The following CARD10 variants were observed in gnomAD, a reference collection of about 807,000 sequenced individuals.
CARD10 encodes caspase recruitment domain-containing protein 10.
Under a neutral mutation model 114.6 loss-of-function variants are expected in CARD10, and 49 were observed. The ratio of observed to expected loss-of-function variants is 0.43; its 90% CI spans 0.34 to 0.54. CARD10 has a LOEUF of 0.54. Ranked by LOEUF, CARD10 falls within the 20% of genes least tolerant of loss-of-function variation. The pLI is 0.03. For missense variants in CARD10, 1,206 were observed against 1,397.2 expected, an observed-to-expected ratio of 0.86 and a Z score of 2.18; for synonymous variants, 602 against 593.2, an observed-to-expected ratio of 1.01 and a Z score of -0.21.
At chr22:37,508,056 T>G (rs1009382049) in intron 5 of CARD10, 102 bp from the exon 6 acceptor site, 2 of 1,413,108 alleles carry the variant, frequency 1.4e-6, no homozygotes, top group Non-Finnish European at 2.0e-6. Flanking sequence ...TCACCAACAG[T>G]CTGAGACCCA....
rs376972364 is a variant in CARD10, at chr22:37,506,393, G to A, written c.1192-10C>T. On this transcript the variant is annotated splice_polypyrimidine_tract_variant and intron_variant, in intron 6 of 19. Transcript: ENST00000251973. ...CACGGCTCTGGATGGCCTAGGGTTG[G>A]GGGAGGGGAGGCAGCAGCTGAAGGA... is the stretch of plus-strand genomic sequence containing the variant. The A allele has an allele frequency of 2.0e-6, 3 of 1,535,588 alleles. No individual in the cohort carries two copies. Among genetic ancestry groups the A allele is most frequent in the African/African-American group, 2.8e-5 (2 of 72,320 alleles).
In CARD10 at chr22:37,491,359, C is replaced by A; in HGVS notation, c.2899G>T (p.Glu967Ter). The part of the protein sequence containing the change: ...LLGRPGWRDS[E>*]LLRQCRGSEQ... ...GAGCCACGGCACTGCCGCAGCAGCT[C>A]TGAGTCCCGCCAGCCCGGCCGGCCC... Residue 967 changes from glutamate (E) to a stop codon, truncating the protein, a stop_gained, in exon 20 of 20, where the codon GAG becomes TAG. Transcript: ENST00000251973. LOFTEE classifies it high-confidence loss of function. 6.6e-7 allele frequency: 1 copy of A among 1,523,214 alleles called. No individual in the cohort carries two copies. Among genetic ancestry groups the A allele is most frequent in the East Asian group, 2.4e-5 (1 of 41,510 alleles). The allele number at this position is 1,523,214 out of a possible 1,614,324, so 94.4% of individuals were successfully genotyped here.
Position 37,494,211 on chromosome 22 carries a change from G to A in CARD10, c.2374-23C>T, listed in dbSNP as rs559260429. 35 of 1,475,740 alleles carry A rather than the reference G, an allele frequency of 2.4e-5. 1 individual carries two copies. In the Admixed American group the frequency reaches 6.1e-4, roughly 26 times the overall value. The allele number at this position is 1,475,740 out of a possible 1,614,324, so 91.4% of individuals were successfully genotyped here. ...CAGCTGGGAGGGTGCAGGGACAGAGGAGCATCTGAGAGCTCAGCCCCGCCC... is the reference window on the plus strand; with the variant it reads ...CAGCTGGGAGGGTGCAGGGACAGAGAAGCATCTGAGAGCTCAGCCCCGCCC... On this transcript the variant is annotated intron_variant, in intron 15 of 19. Coordinates refer to ENST00000251973, the MANE Select transcript of CARD10 (RefSeq NM_014550.4).
At position 37,516,216 on chromosome 22, in the gene CARD10, C is replaced by G; in HGVS notation, c.456G>C (p.Gln152His). Residue 152 changes from glutamine to histidine, a missense_variant, in exon 3 of 20, where the codon CAG (glutamine) becomes CAC (histidine). This residue lies in a region of CARD10 where 1,068 missense variants were observed against 1,179.1 expected (regional missense o/e 0.91). Coordinates refer to ENST00000251973, the MANE Select transcript of CARD10 (RefSeq NM_014550.4). ...RLREARKSQL[Q>H]REQQLQARGR... is the part of the protein sequence containing the mutation. ...CCCGGGCCTGCAGTTGCTGCTCCCG[C>G]TGCAGCTGGCTCTTGCGAGCTTCCC... 1 of 1,601,944 alleles carries G rather than the reference C, an allele frequency of 6.2e-7. No homozygotes were observed. The highest frequency in any genetic ancestry group is 8.5e-7 in the Non-Finnish European group (1 of 1,175,458).
At chr22:37,512,216 C>G (rs1323239895) in intron 3 of CARD10, 2 of 152,236 alleles carry the variant, frequency 1.3e-5, no homozygotes, top group East Asian at 3.9e-4. Context: ...ACGTGCATGG[C>G]CAGTTTGCTG....
chr22:37,504,460 C>T (rs1292702351), intron 8 of CARD10, among the ~76,000 whole-genome samples, 159 bp from the exon 9 acceptor site: 1 of 152,222 alleles, frequency 6.6e-6, no homozygotes, highest in Non-Finnish European at 1.5e-5. Context: ...CCCCACGCCT[C>T]CTGGCACCTA....
At chr22:37,507,784 AAGCAGC>A (rs1428210387) in intron 6 of CARD10, 39 bp downstream of exon 6, 1 of 1,611,994 alleles carries the variant, frequency 6.2e-7, no homozygotes, top group East Asian at 2.2e-5. Context: ...CCCATATGGG[AAGCAGC>A]AACTGGCCCA....
Position 37,497,067 on chromosome 22 carries a change from C to T in CARD10, c.1899G>A (p.Val633=), listed in dbSNP as rs1923031987. 1 of 1,614,012 alleles carries T rather than the reference C, an allele frequency of 6.2e-7. No homozygotes were observed. Among genetic ancestry groups the T allele is most frequent in the Non-Finnish European group, 8.5e-7 (1 of 1,180,028 alleles). ...FYGDRWSGAV[V]RRVLSGPGSA... ...ACCCAGGCCCAGACAGCACCCTGCG[C>T]ACCACAGCCCCAGACCATCTGTCCC... The change falls in exon 12 of 20, where the codon GTG becomes GTA. Residue 633 remains valine, a synonymous_variant. Coordinates refer to ENST00000251973, the MANE Select transcript of CARD10 (RefSeq NM_014550.4).
chr22:37,492,012 G>T lies in CARD10; in HGVS notation c.2752-145C>A. 1 of 644,348 alleles carries T rather than the reference G, an allele frequency of 1.6e-6. No individual in the cohort carries two copies. The highest frequency in any genetic ancestry group is 2.8e-6 in the Non-Finnish European group (1 of 357,552). The allele number at this position is 644,348 out of a possible 1,614,324, so 39.9% of individuals were successfully genotyped here. ...CAGAGGGACCCTGGCAACGAGGAAG[G>T]AGCCCAAAAGTACAGACAAGAGGCC... On this transcript the variant is annotated intron_variant, in intron 18 of 19. Transcript: ENST00000251973. This position sits in a 1 kb window ranked among gnomAD's most constrained non-coding sequence, Gnocchi z 5.7.
chr22:37,504,718 G>A lies in CARD10; in HGVS notation c.1435C>T (p.Leu479=). ...CCCAGAGGGGAGGGGAACTCGCTCA[G>A]GCTCCAAGTGCTGCTGAGGTTGGAG... is the stretch of plus-strand genomic sequence containing the variant. The part of the protein sequence containing the change: ...LCSNLSSTWS[L]SEFPSPLGGP... Residue 479 remains leucine (L), a synonymous_variant, in exon 8 of 20, where the codon CTG becomes TTG. Transcript: ENST00000251973. 1.9e-6 allele frequency: 3 copies of A among 1,584,282 alleles called. No individual in the cohort carries two copies. Among genetic ancestry groups the A allele is most frequent in the Non-Finnish European group, 1.7e-6 (2 of 1,166,610 alleles).
chr22:37,510,478 CA>C, intron 3 of CARD10, 57 bp from the exon 4 acceptor site: 4 of 1,537,892 alleles, frequency 2.6e-6, no homozygotes, highest in Non-Finnish European at 3.6e-6. Context: ...CCACGGGTTA[CA>C]GGGGTGGGAA....
At position 37,501,187 on chromosome 22, in the gene CARD10, A is replaced by G. The variant is rs1051043760; in HGVS notation, c.1787+1415T>C. Among the ~76,000 whole-genome samples the G allele has an allele frequency of 6.6e-6, 1 of 150,812 alleles. No homozygotes were observed. Among genetic ancestry groups the G allele is most frequent in the Non-Finnish European group, 1.5e-5 (1 of 67,704 alleles). ...TGTCCACCACCTCTGCACCTTCCCC[A>G]GCCTGTGTTCTTCCCCAGGAACCTC... On this transcript the variant is annotated intron_variant, in intron 11 of 19. Coordinates refer to ENST00000251973, the MANE Select transcript of CARD10 (RefSeq NM_014550.4). The surrounding 1 kb of genome is among the most constrained non-coding windows in gnomAD (Gnocchi z 5.4).
rs770701158 is a variant in CARD10 at position 37,518,985 on chromosome 22, C to T, written c.216G>A (p.Pro72=). The T allele has an allele frequency of 6.4e-7, 1 of 1,554,300 alleles. No homozygotes were observed. Among genetic ancestry groups the T allele is most frequent in the East Asian group, 2.4e-5 (1 of 42,176 alleles). The change falls in exon 1 of 20, where the codon CCG becomes CCA. Residue 72 remains proline, a synonymous_variant. Coordinates refer to ENST00000251973, the MANE Select transcript of CARD10 (RefSeq NM_014550.4). ...EEEVLSTYRF[P]CRVNRTGRLM... ...GCTCACCGGTGCGGTTGACGCGGCA[C>T]GGGAAGCGGTAGGTGCTCAGCACCT...
rs866299262 is a variant in CARD10 at position 37,504,407 on chromosome 22, A to G, written c.1519-106T>C. 76 of 1,067,152 alleles carry G rather than the reference A, an allele frequency of 7.1e-5. 4 individuals carry two copies. In the Middle Eastern group the frequency reaches 3.1e-3, roughly 43 times the overall value. 66.1% of individuals were successfully genotyped at this position (1,067,152 alleles called of 1,614,324 possible). A position where few individuals can be genotyped will look rare whatever the true frequency, so the allele number is the denominator to read the frequency against. On this transcript the variant is annotated intron_variant, in intron 8 of 19. Coordinates refer to ENST00000251973, the MANE Select transcript of CARD10 (RefSeq NM_014550.4). ...TCCACAAATGAGAAGTAGGGCCCAG[A>G]GCAGAAGAGCGGGCTCTGCAAGATT... is the stretch of plus-strand genomic sequence containing the variant.
chr22:37,518,160 G>A (rs372230589), intron 1 of CARD10, 52 bp from the exon 2 acceptor site: 2 of 1,582,914 alleles, frequency 1.3e-6, no homozygotes, highest in Non-Finnish European at 8.6e-7. Context: ...GCCTCCCCAG[G>A]TGCCTGGTTG....
At chr22:37,517,885 A>G in intron 2 of CARD10, 86 bp downstream of exon 2, 1 of 1,507,324 alleles carries the variant, frequency 6.6e-7, no homozygotes, top group Non-Finnish European at 9.0e-7. Context: ...CAACAGGCAT[A>G]GTGGGAGCGC....
intron 7 of CARD10, among the ~76,000 whole-genome samples, chr22:37,505,869 G>A (rs1337995399): frequency 6.6e-6 from 1 of 152,120 alleles, no homozygotes; most frequent in East Asian, 1.9e-4. Flanking sequence ...CCCAGGTTTT[G>A]CATTCTAACA....
Position 37,503,235 on chromosome 22 carries a change from A to G in CARD10, c.1635-22T>C, listed in dbSNP as rs115695778. 2.2e-3 allele frequency: 3,520 copies of G among 1,606,326 alleles called. 65 individuals are homozygous for G. In the African/African-American group the frequency reaches 0.041, roughly 19 times the overall value. ...GGATCTGGGCAGAGAGAGGGCAGGG[A>G]GGGGGCAGGAGGTGAGGCACAGTGG... On this transcript the variant is annotated intron_variant, in intron 9 of 19. Coordinates refer to ENST00000251973, the MANE Select transcript of CARD10 (RefSeq NM_014550.4).
rs369951701 is a variant in CARD10 at position 37,497,066 on chromosome 22, G to A, written c.1900C>T (p.Arg634Cys). ...GACCCAGGCCCAGACAGCACCCTGC[G>A]CACCACAGCCCCAGACCATCTGTCC... ...YGDRWSGAVV[R>C]RVLSGPGSAR... Residue 634 changes from arginine (R) to cysteine (C), a missense_variant, in exon 12 of 20, where the codon CGC becomes TGC. Physicochemically the swap from Arg to Cys is radical, Grantham distance 180. This residue lies in a region of CARD10 where 1,068 missense variants were observed against 1,179.1 expected (regional missense o/e 0.91). Coordinates refer to ENST00000251973, the MANE Select transcript of CARD10 (RefSeq NM_014550.4). 2.6e-5 allele frequency: 42 copies of A among 1,613,952 alleles called. No individual in the cohort carries two copies. The highest frequency in any genetic ancestry group is 1.6e-4 in the Middle Eastern group (1 of 6,080).
Sources: allele counts gnomAD v4.1 joint callset (sites outside exome capture counted in the v4.1 genomes callset), GRCh38; gene constraint gnomAD v4.1.1; regional missense constraint gnomAD v4.1.1; non-coding constraint Gnocchi (gnomAD v3.1); transcripts MANE v1.5; gene names NCBI Gene and HGNC (gene_info 2026-07-23, HGNC 2026-07-21).